The following PHF11 variants were observed in gnomAD, a reference collection of about 807,000 sequenced individuals.
PHF11 encodes the protein BRCA1 C-terminus-associated protein.
A neutral mutation model predicts 40.5 loss-of-function variants in PHF11; 38 were observed. The observed-to-expected ratio is 0.94, with a 90% CI of 0.72 to 1.23. The LOEUF is 1.23. PHF11 is among the 50% of genes most tolerant of loss of function. The probability of loss-of-function intolerance (pLI) is 0.00; values close to 1 mark genes in which losing one functional copy is unlikely to be tolerated. For missense variants in PHF11, 369 were observed against 392.4 expected (o/e 0.94, Z 0.50); for synonymous variants, 127 against 138.2 (o/e 0.92, Z 0.57).
chr13:49,496,447 C>T, intron 1 of PHF11: 1 of 1,035,928 alleles, frequency 9.7e-7, no homozygotes, highest in Non-Finnish European at 1.2e-6. Context: ...CTCCGCTCAC[C>T]GGTAAACCAG....
chr13:49,511,206 G>A (rs1022895642), intron 2 of PHF11, among the ~76,000 whole-genome samples: 7 of 151,876 alleles, frequency 4.6e-5, no homozygotes, highest in Admixed American at 2.6e-4. Flanking sequence ...TCATTCATCT[G>A]TTGGTAGACA....
At chr13:49,518,234 C>A in intron 4 of PHF11, 83 bp downstream of exon 4, 1 of 942,630 alleles carries the variant, frequency 1.1e-6, no homozygotes, top group Non-Finnish European at 1.6e-6. Flanking sequence ...ACTTTGAAGA[C>A]TAATTTTATG....
intron 4 of PHF11, among the ~76,000 whole-genome samples, chr13:49,518,995 C>A (rs551023268): frequency 2.8e-4 from 42 of 151,840 alleles, no homozygotes; most frequent in African/African-American, 1.0e-3. Context: ...GCTACCACGC[C>A]CGGCTAATTT....
At chr13:49,505,554 G>A (rs1245927603) in intron 1 of PHF11, among the ~76,000 whole-genome samples, 1 of 152,096 alleles carries the variant, frequency 6.6e-6, no homozygotes, top group African/African-American at 2.4e-5. Context: ...ATAAATAAAA[G>A]CTGTTTTCTA....
rs1430701346 is a variant in PHF11 at position 49,506,717 on chromosome 13, T to C, written c.177T>C (p.Phe59=). ...PKDVEYNVLY[F]AQSENIAAHE... ...ATGTCGAATATAATGTCCTATACTT[T>C]GCACAATCAGAGAATATAGCTGCTC... The change falls in exon 2 of 10, where the codon TTT becomes TTC. Residue 59 remains phenylalanine (F), a synonymous_variant. Coordinates refer to ENST00000378319, the MANE Select transcript of PHF11 (RefSeq NM_001040443.3). The C allele has an allele frequency of 1.2e-6, 2 of 1,608,722 alleles. No individual in the cohort carries two copies. Among genetic ancestry groups the C allele is most frequent in the Non-Finnish European group, 1.7e-6 (2 of 1,175,720 alleles).
chr13:49,500,602 G>C (rs972087879), intron 1 of PHF11, among the ~76,000 whole-genome samples: 20 of 152,182 alleles, frequency 1.3e-4, no homozygotes, highest in African/African-American at 4.6e-4. Context: ...AGCTAGAAGA[G>C]CCGAAATCCA....
chr13:49,523,202 T>G lies in PHF11; in HGVS notation c.598T>G (p.Phe200Val), dbSNP rs752594648. The G allele has an allele frequency of 8.1e-6, 13 of 1,612,344 alleles. No individual in the cohort carries two copies. Among genetic ancestry groups the G allele is most frequent in the Non-Finnish European group, 1.0e-5 (12 of 1,178,352 alleles). Reference sequence around the variant, plus strand: ...ACCCGAAACAATGAAATGTAATACATTCATAAGACAAGTGAAAGAAGAGCA... The same window carrying G: ...ACCCGAAACAATGAAATGTAATACAGTCATAAGACAAGTGAAAGAAGAGCA... ...QPPETMKCNT[F>V]IRQVKEEHGR... is the part of the protein sequence containing the mutation. The change falls in exon 7 of 10, where the codon TTC (phenylalanine) becomes GTC (valine). Residue 200 changes from phenylalanine (F) to valine (V), a missense_variant. Transcript: ENST00000378319.
intron 1 of PHF11, among the ~76,000 whole-genome samples, chr13:49,505,127 AAAAT>A (rs1430800913): frequency 6.7e-6 from 1 of 149,400 alleles, no homozygotes; most frequent in African/African-American, 2.5e-5. Flanking sequence ...AAATAATAAA[AAAAT>A]AAATAAATAA....
At chr13:49,509,650 C>T (rs761760169) in intron 2 of PHF11, among the ~76,000 whole-genome samples, 1 of 152,128 alleles carries the variant, frequency 6.6e-6, no homozygotes, top group Non-Finnish European at 1.5e-5. Flanking sequence ...AGGTTTTTCC[C>T]AGGCCATTCA....
At chr13:49,523,315 C>T in intron 7 of PHF11, 74 bp downstream of exon 7, 1 of 940,566 alleles carries the variant, frequency 1.1e-6, no homozygotes, top group Non-Finnish European at 1.7e-6. Context: ...CTGTTTCAAA[C>T]TTGGTATCCC....
intron 5 of PHF11, 138 bp downstream of exon 5, chr13:49,521,078 GACA>G (rs1283188413): frequency 2.2e-5 from 31 of 1,387,692 alleles, no homozygotes; most frequent in Non-Finnish European, 2.6e-5. Context: ...CTAGAAAATT[GACA>G]ACTTCTTTGT....
chr13:49,506,863 G>T, intron 2 of PHF11, 107 bp downstream of exon 2: 1 of 571,368 alleles, frequency 1.8e-6, no homozygotes, highest in Non-Finnish European at 2.8e-6. Flanking sequence ...AGTTGGCCAT[G>T]GTTTGAGCTT....
chr13:49,513,177 A>G lies in PHF11; in HGVS notation c.324+11A>G. The G allele has an allele frequency of 7.7e-7, 1 of 1,297,748 alleles. No individual in the cohort carries two copies. The highest frequency in any genetic ancestry group is 1.1e-6 in the Non-Finnish European group (1 of 892,906). The allele number at this position is 1,297,748 out of a possible 1,614,324, so 80.4% of individuals were successfully genotyped here. The stretch of plus-strand genomic sequence containing the variant: ...AGAGGAAGGAAGTTGGTAAGTGTAA[A>G]TGATGTTATTTCTTATACTGGATGA... On this transcript the variant is annotated intron_variant, in intron 3 of 9. Coordinates refer to ENST00000378319, the MANE Select transcript of PHF11 (RefSeq NM_001040443.3).
chr13:49,503,133 C>A (rs989781503), intron 1 of PHF11, among the ~76,000 whole-genome samples: 1 of 152,188 alleles, frequency 6.6e-6, no homozygotes, highest in Non-Finnish European at 1.5e-5. Context: ...TCCTGTGCAG[C>A]CTTTCCTCCT....
chr13:49,516,074 C>G (rs1320933365), intron 3 of PHF11, among the ~76,000 whole-genome samples: 2 of 152,130 alleles, frequency 1.3e-5, no homozygotes, highest in Non-Finnish European at 2.9e-5. Context: ...TCTGGGAGCT[C>G]TTACTATTAT....
intron 1 of PHF11, 108 bp downstream of exon 1, chr13:49,496,203 T>C: frequency 1.4e-6 from 1 of 709,942 alleles, no homozygotes; most frequent in Non-Finnish European, 2.0e-6. Context: ...GACCTGCCCC[T>C]ACTCCGGGCC....
In PHF11 at chr13:49,524,150, GAAGA is replaced by G. The variant is rs770905711; in HGVS notation, c.706_709del (p.Glu236TyrfsTer2). On this transcript the variant is annotated frameshift_variant, in exon 8 of 10. Coordinates refer to ENST00000378319, the MANE Select transcript of PHF11 (RefSeq NM_001040443.3). LOFTEE classifies it high-confidence loss of function. ...AGCAGGACTTCTTAATTACTTACTTGAAGAAATATTAGACAAAGTTCATTCAATT... is the reference window on the plus strand; with the variant it reads ...AGCAGGACTTCTTAATTACTTACTTGAATATTAGACAAAGTTCATTCAATT... The G allele has an allele frequency of 6.2e-7, 1 of 1,606,022 alleles. No individual in the cohort carries two copies. Among genetic ancestry groups the G allele is most frequent in the South Asian group, 1.1e-5 (1 of 90,724 alleles).
rs1958897939 is a variant in PHF11, at chr13:49,501,017, G to GATTT, written c.94+4922_94+4923insATTT. Among the ~76,000 whole-genome samples, 2 of 108,826 alleles carry GATTT rather than the reference G, an allele frequency of 1.8e-5. 1 individual carries two copies. Among genetic ancestry groups the GATTT allele is most frequent in the African/African-American group, 8.3e-5 (2 of 23,968 alleles). 71.4% of individuals were successfully genotyped at this position (108,826 alleles called of 152,430 possible). A position where few individuals can be genotyped will look rare whatever the true frequency, so the allele number is the denominator to read the frequency against. On this transcript the variant is annotated intron_variant, in intron 1 of 9. Transcript: ENST00000378319. ...CAACTTTTGTTTTTTTTTTTTTTTGGTTTTTTTTTTTCTGAAATGGAGTTT... is the reference window on the plus strand; with the variant it reads ...CAACTTTTGTTTTTTTTTTTTTTTGGATTTTTTTTTTTTTTCTGAAATGGAGTTT...
intron 8 of PHF11, among the ~76,000 whole-genome samples, chr13:49,525,432 G>C (rs1211884676): frequency 6.6e-6 from 1 of 152,114 alleles, no homozygotes; most frequent in East Asian, 1.9e-4. Flanking sequence ...ATTTTTAGTA[G>C]AGATGGAGTT....
Sources: gnomAD v4.1 joint callset for allele counts (sites outside exome capture counted in the v4.1 genomes callset) on GRCh38, gnomAD v4.1.1 for gene constraint, MANE v1.5 for transcripts, NCBI Gene and HGNC (gene_info 2026-07-23, HGNC 2026-07-21) for gene names.